The following TSNARE1 variants were observed in gnomAD, a reference collection of about 807,000 sequenced individuals.
TSNARE1 encodes t-SNARE domain containing 1, also known as t-SNARE domain-containing protein 1.
A neutral mutation model predicts 62.0 loss-of-function variants in TSNARE1; 49 were observed. That is an observed-to-expected ratio of 0.79 (90% CI 0.63 to 1.00). The LOEUF (loss-of-function observed/expected upper bound fraction) is 1.00, where lower values mean the gene tolerates loss of function less well. Among genes scored for constraint, TSNARE1 ranks in the 50% least tolerant of loss-of-function variants. The probability of loss-of-function intolerance (pLI) is 0.00; values close to 1 mark genes in which losing one functional copy is unlikely to be tolerated. For synonymous variants in TSNARE1, 328 were observed against 294.4 expected (o/e 1.11, Z -1.17); for missense variants, 755 against 700.1 (o/e 1.08, Z -0.88).
At chr8:142,357,541 A>G (rs957624384) in intron 1 of TSNARE1, among the ~76,000 whole-genome samples, 4 of 152,170 alleles carry the variant, frequency 2.6e-5, no homozygotes, top group African/African-American at 9.7e-5. Flanking sequence ...GGCAGGAACC[A>G]GGGCCCGGGA....
In TSNARE1 at chr8:142,315,011, C is replaced by T. The variant is rs751194559; in HGVS notation, c.1066G>A (p.Val356Met). 8 of 1,614,134 alleles carry T rather than the reference C, an allele frequency of 5.0e-6. No homozygotes were observed. The highest frequency in any genetic ancestry group is 5.9e-6 in the Non-Finnish European group (7 of 1,180,010). The part of the protein sequence containing the change: ...LSDAIQCYGV[V>M]QKKIAEKSRA... ...CCCCACCAGCACCTCACCTTCTGCACCACTCCATAGCACTGAATGGCATCT... is the reference window on the plus strand; with the variant it reads ...CCCCACCAGCACCTCACCTTCTGCATCACTCCATAGCACTGAATGGCATCT... Residue 356 changes from valine to methionine, a missense_variant, in exon 8 of 14, where the codon GTG becomes ATG. By Grantham distance (21) the Val-to-Met change is conservative (BLOSUM62 1). Coordinates refer to ENST00000524325, the MANE Select transcript of TSNARE1 (RefSeq NM_145003.5).
chr8:142,288,716 G>A (rs1032247261), intron 10 of TSNARE1, among the ~76,000 whole-genome samples: 4 of 152,226 alleles, frequency 2.6e-5, no homozygotes, highest in Admixed American at 6.5e-5. Context: ...GGCTGCTGCC[G>A]GGGCTCCCGC....
intron 1 of TSNARE1, among the ~76,000 whole-genome samples, chr8:142,400,468 C>T (rs1838205630): frequency 6.6e-6 from 1 of 151,854 alleles, no homozygotes; most frequent in African/African-American, 2.4e-5. Context: ...GGGCCGGGCA[C>T]GGTGGCTCAT....
intron 2 of TSNARE1, among the ~76,000 whole-genome samples, chr8:142,352,434 G>A (rs905637126): frequency 1.5e-4 from 23 of 152,374 alleles, no homozygotes; most frequent in African/African-American, 4.3e-4. Flanking sequence ...GCATCAGCTC[G>A]GCTGCAGGTG....
At chr8:142,329,469 T>C (rs2131977444) in intron 6 of TSNARE1, among the ~76,000 whole-genome samples, 1 of 152,308 alleles carries the variant, frequency 6.6e-6, no homozygotes, top group South Asian at 2.1e-4. Context: ...CCTCGTGACC[T>C]AACCCAGGAG....
chr8:142,275,183 T>C, intron 11 of TSNARE1: 2 of 985,372 alleles, frequency 2.0e-6, no homozygotes, highest in Non-Finnish European at 2.4e-6. Flanking sequence ...GGTCAAGTCC[T>C]GCTCTGTCAT....
intron 1 of TSNARE1, among the ~76,000 whole-genome samples, chr8:142,381,147 C>G (rs1400410374): frequency 6.6e-6 from 1 of 152,242 alleles, no homozygotes; most frequent in African/African-American, 2.4e-5. Flanking sequence ...AGAATCAGTG[C>G]CAGAAGCTGC....
At position 142,345,969 on chromosome 8, in the gene TSNARE1, C is replaced by G. The variant is rs1045051310; in HGVS notation, c.89-77G>C. 6.8e-5 allele frequency: 103 copies of G among 1,520,882 alleles called. No homozygotes were observed. The East Asian group carries it at 1.8e-3, about 27-fold the overall frequency. The allele number at this position is 1,520,882 out of a possible 1,614,324, so 94.2% of individuals were successfully genotyped here. A position where few individuals can be genotyped will look rare whatever the true frequency, so the allele number is the denominator to read the frequency against. On this transcript the variant is annotated intron_variant, in intron 2 of 13. Transcript: ENST00000524325. The stretch of plus-strand genomic sequence containing the variant: ...GCAGTGCCAGGCCCCCATGCACGGA[C>G]AGCAGACACCCAGGACCCGAGATGC...
chr8:142,348,784 G>A (rs879682052), intron 2 of TSNARE1, among the ~76,000 whole-genome samples: 13 of 152,250 alleles, frequency 8.5e-5, no homozygotes, highest in South Asian at 2.1e-4. Context: ...GAGCTGGCCC[G>A]TGTGCATGGA....
chr8:142,250,056 C>G (rs560872054), intron 12 of TSNARE1, among the ~76,000 whole-genome samples: 1 of 152,294 alleles, frequency 6.6e-6, no homozygotes, highest in Admixed American at 6.5e-5. Context: ...CCTCTCTGGG[C>G]CTCCCATGCC....
rs1217754980 is a variant in TSNARE1 at position 142,358,223 on chromosome 8, AGC to A, written c.-39-3462_-39-3461del. Among the ~76,000 whole-genome samples, 79 of 70,468 alleles carry A rather than the reference AGC, an allele frequency of 1.1e-3. 13 individuals carry two copies. Among genetic ancestry groups the A allele is most frequent in the African/African-American group, 7.1e-3 (73 of 10,266 alleles). The allele number at this position is 70,468 out of a possible 152,430, so 46.2% of individuals were successfully genotyped here. On this transcript the variant is annotated intron_variant, in intron 1 of 13. Transcript: ENST00000524325. ...GTCTGCTGGGTTTCAGGACAAGGGG[AGC>A]AGCCAGCGGCCATCACTGCAAAGGG...
chr8:142,231,244 A>G (rs771963965), intron 12 of TSNARE1, among the ~76,000 whole-genome samples: 1 of 152,150 alleles, frequency 6.6e-6, no homozygotes, highest in Non-Finnish European at 1.5e-5. Flanking sequence ...TGGGAAACAC[A>G]TTGCTACCTG....
intron 4 of TSNARE1, among the ~76,000 whole-genome samples, chr8:142,335,259 G>C (rs1831593295): frequency 1.3e-5 from 2 of 151,690 alleles, no homozygotes; most frequent in African/African-American, 4.9e-5. Flanking sequence ...CTGAAACCAT[G>C]TCAACGAGGC....
intron 2 of TSNARE1, among the ~76,000 whole-genome samples, chr8:142,346,268 T>C (rs370715831): frequency 1.2e-4 from 18 of 152,338 alleles, no homozygotes; most frequent in African/African-American, 4.3e-4. Context: ...TTGAAACTGC[T>C]GCGACCTCCA....
intron 6 of TSNARE1, among the ~76,000 whole-genome samples, chr8:142,327,856 C>G (rs968756647): frequency 5.9e-5 from 9 of 152,226 alleles, no homozygotes; most frequent in Non-Finnish European, 1.2e-4. Flanking sequence ...CGCGGAGCAG[C>G]AGCCCAGCTC....
chr8:142,291,724 G>A lies in TSNARE1; in HGVS notation c.1291-7239C>T, dbSNP rs903104968. 6.6e-6 allele frequency among the ~76,000 whole-genome samples: 1 copy of A among 152,188 alleles called. No individual in the cohort carries two copies. Among genetic ancestry groups the A allele is most frequent in the Non-Finnish European group, 1.5e-5 (1 of 68,038 alleles). On this transcript the variant is annotated intron_variant, in intron 10 of 13. Coordinates refer to ENST00000524325, the MANE Select transcript of TSNARE1 (RefSeq NM_145003.5). This position sits in a 1 kb window ranked among gnomAD's most constrained non-coding sequence, Gnocchi z 4.8. ...ACCCAACAGTGTGTGGGGGGCGAGC[G>A]TGGGAGCGGCAGGGGTTAGAGGACA...
chr8:142,282,727 A>G (rs928948954), intron 11 of TSNARE1, among the ~76,000 whole-genome samples: 49 of 84,906 alleles, frequency 5.8e-4, no homozygotes, highest in East Asian at 1.0e-3. Flanking sequence ...AGCGGAGGGG[A>G]GGCCACTGTC....
intron 11 of TSNARE1, chr8:142,278,288 G>A: frequency 1.0e-6 from 1 of 985,440 alleles, no homozygotes; most frequent in Non-Finnish European, 1.2e-6. Flanking sequence ...GCACCGCTGT[G>A]AGCAGGAGCA....
chr8:142,291,423 G>A lies in TSNARE1; in HGVS notation c.1291-6938C>T, dbSNP rs192895948. On this transcript the variant is annotated intron_variant, in intron 10 of 13. Transcript: ENST00000524325. This position sits in a 1 kb window ranked among gnomAD's most constrained non-coding sequence, Gnocchi z 4.8. Reference sequence around the variant, plus strand: ...CTCTCACAGAGCTCTGGTGTGGGCTGAGACACATATAAATAATGTCAGCAG... The same window carrying A: ...CTCTCACAGAGCTCTGGTGTGGGCTAAGACACATATAAATAATGTCAGCAG... Among the ~76,000 whole-genome samples, 1 of 152,232 alleles carries A rather than the reference G, an allele frequency of 6.6e-6. No individual in the cohort carries two copies. Among genetic ancestry groups the A allele is most frequent in the East Asian group, 1.9e-4 (1 of 5,146 alleles).
Sources: allele counts gnomAD v4.1 joint callset (sites outside exome capture counted in the v4.1 genomes callset), GRCh38; gene constraint gnomAD v4.1.1; non-coding constraint Gnocchi (gnomAD v3.1); transcripts MANE v1.5; gene names NCBI Gene and HGNC (gene_info 2026-07-23, HGNC 2026-07-21).